The following PPM1H variants were observed in gnomAD, a reference collection of about 807,000 sequenced individuals.
PPM1H encodes protein phosphatase 1H.
PPM1H carries 27 observed loss-of-function variants against 54.9 expected under a neutral mutation model. The ratio of observed to expected loss-of-function variants is 0.49; its 90% confidence interval spans 0.36 to 0.68. The LOEUF (loss-of-function observed/expected upper bound fraction) is 0.68, where lower values mean the gene tolerates loss of function less well. Among genes scored for constraint, PPM1H ranks in the 30% least tolerant of loss-of-function variants. PPM1H has a pLI of 0.00. For synonymous variants in PPM1H, 305 were observed against 270.8 expected, an observed-to-expected ratio of 1.13 and a Z score of -1.24; for missense variants, 596 against 667.8, an observed-to-expected ratio of 0.89 and a Z score of 1.19.
intron 1 of PPM1H, among the ~76,000 whole-genome samples, chr12:62,885,539 G>A (rs1870558026): frequency 6.6e-6 from 1 of 152,114 alleles, no homozygotes; most frequent in Non-Finnish European, 1.5e-5. Context: ...CAATCACAGT[G>A]TGCTAGTCCA....
chr12:62,898,855 C>A (rs1021512110), intron 1 of PPM1H, among the ~76,000 whole-genome samples: 1 of 152,138 alleles, frequency 6.6e-6, no homozygotes, highest in African/African-American at 2.4e-5. Context: ...AGTTTGTGTA[C>A]CCTCTACTCC....
chr12:62,800,002 C>G (rs1182409852), intron 3 of PPM1H, among the ~76,000 whole-genome samples: 1 of 152,026 alleles, frequency 6.6e-6, no homozygotes, highest in Admixed American at 6.5e-5. Flanking sequence ...CACTACCACG[C>G]CCAGCAAGGT....
chr12:62,934,838 G>A lies in PPM1H; in HGVS notation c.-102C>T, dbSNP rs1449669958. 5 of 1,175,184 alleles carry A rather than the reference G, an allele frequency of 4.3e-6. No individual in the cohort carries two copies. Among genetic ancestry groups the A allele is most frequent in the South Asian group, 4.2e-5 (1 of 23,948 alleles). 72.8% of individuals were successfully genotyped at this position (1,175,184 alleles called of 1,614,324 possible). ...GGCTGCGGTGGGCGCCGGGCGCACGGCGAGTCGGGCCACTGGGACGCGCCG... is the reference window on the plus strand; with the variant it reads ...GGCTGCGGTGGGCGCCGGGCGCACGACGAGTCGGGCCACTGGGACGCGCCG... On this transcript the variant is annotated 5_prime_UTR_variant, in exon 1 of 10. Coordinates refer to ENST00000228705, the MANE Select transcript of PPM1H (RefSeq NM_020700.2). The surrounding 1 kb of genome is among the most constrained non-coding windows in gnomAD (Gnocchi z 4.2).
chr12:62,749,323 G>A (rs1397672152), intron 4 of PPM1H, among the ~76,000 whole-genome samples: 2 of 152,232 alleles, frequency 1.3e-5, no homozygotes, highest in Admixed American at 1.3e-4. Flanking sequence ...CAGAATGGAG[G>A]AGAAAATCTG....
intron 8 of PPM1H, among the ~76,000 whole-genome samples, chr12:62,673,891 T>C (rs1315645097): frequency 6.6e-6 from 1 of 151,608 alleles, no homozygotes; most frequent in Non-Finnish European, 1.5e-5. Flanking sequence ...TATACTTTTT[T>C]ACTTTTTGTA....
intron 5 of PPM1H, among the ~76,000 whole-genome samples, chr12:62,722,492 A>G (rs552436576): frequency 6.6e-6 from 1 of 152,324 alleles, no homozygotes; most frequent in East Asian, 1.9e-4. Context: ...TCATGGTTAT[A>G]ACCCTCATCC....
chr12:62,882,062 A>C (rs551457735), intron 1 of PPM1H, among the ~76,000 whole-genome samples: 3 of 152,378 alleles, frequency 2.0e-5, no homozygotes, highest in East Asian at 3.9e-4. Flanking sequence ...AAAACAAAGT[A>C]AGTCAAATAC....
At chr12:62,722,864 T>C (rs1237099815) in intron 5 of PPM1H, among the ~76,000 whole-genome samples, 2 of 152,176 alleles carry the variant, frequency 1.3e-5, no homozygotes, top group Non-Finnish European at 2.9e-5. Context: ...TGTGTGTGCA[T>C]GAACTTGTGA....
At chr12:62,680,337 GTTTC>G (rs1027639769) in intron 8 of PPM1H, among the ~76,000 whole-genome samples, 4 of 121,020 alleles carry the variant, frequency 3.3e-5, no homozygotes, top group Non-Finnish European at 3.3e-5. Context: ...CTTTCTTTCT[GTTTC>G]TTTCTTTCTT....
chr12:62,714,318 A>G (rs372863940), intron 6 of PPM1H, among the ~76,000 whole-genome samples: 4 of 152,242 alleles, frequency 2.6e-5, no homozygotes, highest in East Asian at 3.8e-4. Flanking sequence ...CTTTGCCTCA[A>G]TAAAAGTAGA....
chr12:62,920,125 G>A (rs117091704), intron 1 of PPM1H, among the ~76,000 whole-genome samples: 2,767 of 152,152 alleles, frequency 0.018, 32 homozygotes, highest in Non-Finnish European at 0.026. Flanking sequence ...ATCACAGGGA[G>A]AATTGCCAAG....
intron 6 of PPM1H, among the ~76,000 whole-genome samples, chr12:62,695,245 C>T (rs1462180763): frequency 6.6e-6 from 1 of 152,126 alleles, no homozygotes; most frequent in Non-Finnish European, 1.5e-5. Flanking sequence ...GGTGGAGAAT[C>T]AGTGAGGTTT....
intron 9 of PPM1H, among the ~76,000 whole-genome samples, chr12:62,662,883 A>C (rs542768486): frequency 6.6e-6 from 1 of 152,202 alleles, no homozygotes; most frequent in Admixed American, 6.5e-5. Flanking sequence ...CATTATCTTG[A>C]ATTTTGGGCC....
intron 4 of PPM1H, chr12:62,755,492 C>T: frequency 1.5e-6 from 1 of 675,916 alleles, no homozygotes; most frequent in African/African-American, 1.7e-5. Context: ...TGGGGCAATG[C>T]TGGTGCTGAG....
intron 8 of PPM1H, among the ~76,000 whole-genome samples, chr12:62,681,278 C>T (rs971668551): frequency 1.3e-5 from 2 of 152,124 alleles, no homozygotes; most frequent in African/African-American, 4.8e-5. Flanking sequence ...GTCTGGAAAG[C>T]GAAGTCTTGT....
At chr12:62,775,992 C>T (rs163686) in intron 4 of PPM1H, among the ~76,000 whole-genome samples, 21,252 of 152,138 alleles carry the variant, frequency 0.14, 2,026 homozygotes, top group African/African-American at 0.26. Context: ...TACAAAGGCA[C>T]GTCTTACTTG....
chr12:62,846,603 C>T (rs1380423072), intron 1 of PPM1H, among the ~76,000 whole-genome samples: 2 of 151,412 alleles, frequency 1.3e-5, no homozygotes, highest in African/African-American at 4.9e-5. Flanking sequence ...CTGGTCTCCT[C>T]GCACCCCCTC....
intron 1 of PPM1H, among the ~76,000 whole-genome samples, chr12:62,836,889 C>T (rs1267866283): frequency 6.6e-6 from 1 of 152,126 alleles, no homozygotes; most frequent in Non-Finnish European, 1.5e-5. Flanking sequence ...TTCAACTGAA[C>T]CAAAACCCCT....
At chr12:62,853,744 A>G (rs750585175) in intron 1 of PPM1H, among the ~76,000 whole-genome samples, 1 of 152,180 alleles carries the variant, frequency 6.6e-6, no homozygotes, top group Non-Finnish European at 1.5e-5. Context: ...CAACATCCTC[A>G]TCATCACCCC....
Sources: allele counts gnomAD v4.1 joint callset (sites outside exome capture counted in the v4.1 genomes callset), GRCh38; gene constraint gnomAD v4.1.1; non-coding constraint Gnocchi (gnomAD v3.1); transcripts MANE v1.5; gene names NCBI Gene and HGNC (gene_info 2026-07-23, HGNC 2026-07-21).